The following LNX2 variants were observed in gnomAD, a reference collection of about 807,000 sequenced individuals.
LNX2 encodes the protein ligand of numb-protein X 2.
Under a neutral mutation model 66.2 loss-of-function variants are expected in LNX2, and 35 were observed. That is an observed-to-expected ratio of 0.53 (90% CI 0.40 to 0.70). The LOEUF (loss-of-function observed/expected upper bound fraction) is 0.70. LNX2 is among the 30% of genes least tolerant of loss of function. LNX2 has a pLI of 0.00. For missense variants in LNX2, 791 were observed against 850.8 expected (o/e 0.93, Z 0.87); for synonymous variants, 337 against 315.6 (o/e 1.07, Z -0.72).
In LNX2 at chr13:27,581,458, A is replaced by T. The variant is rs757194307; in HGVS notation, c.246T>A (p.Asp82Glu). ...KCLRNFLQEK[D>E]FCPLDRKRLH... The stretch of plus-strand genomic sequence containing the variant: ...GTCTTTTCCGGTCCAACGGACAGAA[A>T]TCTTTCTCTTGTAAAAAGTTTCTGA... Residue 82 changes from aspartate to glutamate, a missense_variant, in exon 2 of 10, where the codon GAT (aspartate) becomes GAA (glutamate). By Grantham distance (45) the Asp-to-Glu change is conservative (BLOSUM62 2). Transcript: ENST00000316334. 6.2e-7 allele frequency: 1 copy of T among 1,611,186 alleles called. No individual in the cohort carries two copies. Among genetic ancestry groups the T allele is most frequent in the South Asian group, 1.1e-5 (1 of 90,934 alleles).
At chr13:27,579,777 A>C (rs374919883) in intron 2 of LNX2, among the ~76,000 whole-genome samples, 1 of 152,214 alleles carries the variant, frequency 6.6e-6, no homozygotes, top group African/African-American at 2.4e-5. Flanking sequence ...CTACTGAAAG[A>C]AGCAGCCTGA....
At chr13:27,595,677 C>T (rs1955589514) in intron 1 of LNX2, among the ~76,000 whole-genome samples, 1 of 152,190 alleles carries the variant, frequency 6.6e-6, no homozygotes, top group Admixed American at 6.5e-5. Context: ...CTATGTCCAC[C>T]TGTAAACCCG....
chr13:27,617,150 C>A (rs1955836552), intron 1 of LNX2, among the ~76,000 whole-genome samples: 1 of 152,186 alleles, frequency 6.6e-6, no homozygotes, highest in Non-Finnish European at 1.5e-5. Flanking sequence ...GATTTTCCTA[C>A]TGCTTTGTAT....
intron 1 of LNX2, among the ~76,000 whole-genome samples, chr13:27,588,783 A>T (rs1310493561): frequency 6.6e-6 from 1 of 152,258 alleles, no homozygotes; most frequent in African/African-American, 2.4e-5. Flanking sequence ...GTTAGTAATG[A>T]AAATTCAAAT....
At chr13:27,593,156 C>T (rs1955562015) in intron 1 of LNX2, among the ~76,000 whole-genome samples, 1 of 152,112 alleles carries the variant, frequency 6.6e-6, no homozygotes, top group Non-Finnish European at 1.5e-5. Context: ...TCTTCTTTTG[C>T]CATATCTCTC....
chr13:27,575,412 G>C (rs931591896), intron 2 of LNX2, among the ~76,000 whole-genome samples: 7 of 152,194 alleles, frequency 4.6e-5, no homozygotes, highest in African/African-American at 1.4e-4. Context: ...ATGTGAATCA[G>C]TGGACTCCAT....
intron 1 of LNX2, among the ~76,000 whole-genome samples, chr13:27,584,863 A>G (rs1955464859): frequency 6.6e-6 from 1 of 151,958 alleles, no homozygotes. Flanking sequence ...CACGCCTGTA[A>G]TCTCAGCACT....
chr13:27,614,449 C>G (rs1355856328), intron 1 of LNX2, among the ~76,000 whole-genome samples: 2 of 151,722 alleles, frequency 1.3e-5, no homozygotes, highest in African/African-American at 4.8e-5. Flanking sequence ...ATTGTGCCCC[C>G]AACCAATCAG....
chr13:27,583,573 G>C (rs1359235551), intron 1 of LNX2, among the ~76,000 whole-genome samples: 3 of 152,076 alleles, frequency 2.0e-5, no homozygotes, highest in South Asian at 2.1e-4. Flanking sequence ...ATAACTCTTA[G>C]AGCAGCCTCC....
intron 2 of LNX2, among the ~76,000 whole-genome samples, chr13:27,574,472 A>T (rs1015677864): frequency 3.3e-5 from 5 of 152,132 alleles, no homozygotes; most frequent in Non-Finnish European, 5.9e-5. Context: ...ATCAGAAGAA[A>T]GAACTGGCAA....
At chr13:27,564,754 G>C (rs1039131878) in intron 4 of LNX2, among the ~76,000 whole-genome samples, 9 of 152,156 alleles carry the variant, frequency 5.9e-5, no homozygotes, top group Non-Finnish European at 1.0e-4. Flanking sequence ...CCATCTTACT[G>C]CCTCTTCGAG....
rs780722626 is a variant in LNX2, at chr13:27,567,796, C to A, written c.699G>T (p.Thr233=). ...AAGGATTGGACCGATGAATTTCAAT[C>A]GTGGTGATTTCTCCTTCTGGTAAAC... ...PLSLPEGEIT[T]IEIHRSNPYI... is the part of the protein sequence containing the mutation. Residue 233 remains threonine (T), a synonymous_variant, in exon 4 of 10, where the codon ACG becomes ACT. Transcript: ENST00000316334. The A allele has an allele frequency of 5.0e-6, 8 of 1,614,008 alleles. No homozygotes were observed. Among genetic ancestry groups the A allele is most frequent in the Non-Finnish European group, 6.8e-6 (8 of 1,179,966 alleles).
At chr13:27,555,570 T>C (rs1318231771) in intron 7 of LNX2, among the ~76,000 whole-genome samples, 1 of 152,206 alleles carries the variant, frequency 6.6e-6, no homozygotes, top group East Asian at 1.9e-4. Flanking sequence ...TCCAAGGTCA[T>C]GAGGATTTAC....
At chr13:27,548,578 T>A in intron 9 of LNX2, 108 bp from the exon 10 acceptor site, 17 of 1,124,760 alleles carry the variant, frequency 1.5e-5, no homozygotes, top group East Asian at 2.6e-5. Flanking sequence ...ACCACTGAAC[T>A]GTCAATGGTT....
chr13:27,591,561 T>A (rs1008784868), intron 1 of LNX2, among the ~76,000 whole-genome samples: 6 of 152,218 alleles, frequency 3.9e-5, no homozygotes, highest in African/African-American at 1.4e-4. Flanking sequence ...TAATTATTCT[T>A]TTCCCTAACC....
chr13:27,583,752 G>C lies in LNX2; in HGVS notation c.-100-1949C>G, dbSNP rs144655640. On this transcript the variant is annotated intron_variant, in intron 1 of 9. Transcript: ENST00000316334. ...GAGACTCTAGAATGTACCAAACGTT[G>C]AACATCGAGACAGAAGAGGTAGGGA... is the stretch of plus-strand genomic sequence containing the variant. Among the ~76,000 whole-genome samples, 474 of 152,230 alleles carry C rather than the reference G, an allele frequency of 3.1e-3. 2 individuals carry two copies. Among genetic ancestry groups the C allele is most frequent in the African/African-American group, 0.011 (451 of 41,532 alleles).
chr13:27,604,509 C>A (rs975078463), intron 1 of LNX2, among the ~76,000 whole-genome samples: 9 of 152,208 alleles, frequency 5.9e-5, no homozygotes, highest in African/African-American at 2.2e-4. Context: ...AGTTTCACTG[C>A]AGATTAGAAG....
chr13:27,603,651 T>TCAGATCC (rs1427498977), intron 1 of LNX2, among the ~76,000 whole-genome samples: 3 of 152,080 alleles, frequency 2.0e-5, no homozygotes, highest in African/African-American at 7.2e-5. Context: ...AGTTTCATGG[T>TCAGATCC]CAGATCCCAT....
chr13:27,580,873 T>G (rs977905719), intron 2 of LNX2, among the ~76,000 whole-genome samples: 3 of 152,210 alleles, frequency 2.0e-5, no homozygotes, highest in Non-Finnish European at 2.9e-5. Context: ...CTATGCACAA[T>G]GTTGCACTGA....
Sources: gnomAD v4.1 joint callset for allele counts (sites outside exome capture counted in the v4.1 genomes callset) on GRCh38, gnomAD v4.1.1 for gene constraint, MANE v1.5 for transcripts, NCBI Gene and HGNC (gene_info 2026-07-23, HGNC 2026-07-21) for gene names.